Variants in AGO1 observed in about 807,000 individuals in gnomAD.
AGO1 encodes argonaute RISC component 1, also known as protein argonaute-1.
AGO1 carries 11 observed loss-of-function variants against 109.2 expected under a neutral mutation model. That is an observed-to-expected ratio of 0.10 (90% CI 0.06 to 0.17). The LOEUF is 0.17. Among genes scored for constraint, AGO1 ranks in the 10% least tolerant of loss-of-function variants. AGO1 has a pLI of 1.00. For synonymous variants in AGO1, 422 were observed against 418.6 expected, an observed-to-expected ratio of 1.01 and a Z score of -0.10; for missense variants, 574 against 1,140.3, an observed-to-expected ratio of 0.50 and a Z score of 7.15.
In AGO1 at chr1:35,893,596, G is replaced by T; in HGVS notation, c.513-78G>T. ...CCCCGGTGTCCTGCCTTTCAGGCCAGGGCTCCTCCGTGCCCAGGATGCCTC... is the reference window on the plus strand; with the variant it reads ...CCCCGGTGTCCTGCCTTTCAGGCCATGGCTCCTCCGTGCCCAGGATGCCTC... On this transcript the variant is annotated intron_variant, in intron 4 of 18. Transcript: ENST00000373204. The surrounding 1 kb of genome is among the most constrained non-coding windows in gnomAD (Gnocchi z 5.6). The T allele has an allele frequency of 6.8e-7, 1 of 1,461,536 alleles. No homozygotes were observed. Among genetic ancestry groups the T allele is most frequent in the East Asian group, 2.4e-5 (1 of 42,438 alleles). The allele number at this position is 1,461,536 out of a possible 1,614,324, so 90.5% of individuals were successfully genotyped here.
At position 35,890,149 on chromosome 1, in the gene AGO1, A is replaced by G. The variant is rs188258859; in HGVS notation, c.209+1539A>G. ...GCGATTCTTCTGCCTCAGCCTCCCT[A>G]GTAGCTGGGATTACAGGCACCCACC... On this transcript the variant is annotated intron_variant, in intron 2 of 18. Coordinates refer to ENST00000373204, the MANE Select transcript of AGO1 (RefSeq NM_012199.5). Among the ~76,000 whole-genome samples, 427 of 151,478 alleles carry G rather than the reference A, an allele frequency of 2.8e-3. 2 individuals carry two copies. Among genetic ancestry groups the G allele is most frequent in the South Asian group, 3.3e-3 (16 of 4,798 alleles).
Position 35,915,488 on chromosome 1 carries a change from G to A in AGO1, c.1974G>A (p.Lys658=). The part of the protein sequence containing the change: ...LIQFYKSTRF[K]PTRIIFYRDG... ...AATTCTACAAGTCCACCCGTTTCAA[G>A]CCTACCCGCATCATCTTCTACCGAG... is the stretch of plus-strand genomic sequence containing the variant. Residue 658 remains lysine, a synonymous_variant, in exon 15 of 19, where the codon AAG becomes AAA. Coordinates refer to ENST00000373204, the MANE Select transcript of AGO1 (RefSeq NM_012199.5). The A allele has an allele frequency of 1.9e-6, 3 of 1,614,156 alleles. No individual in the cohort carries two copies. Among genetic ancestry groups the A allele is most frequent in the Non-Finnish European group, 2.5e-6 (3 of 1,180,042 alleles).
At chr1:35,910,570 A>G (rs1277345770) in intron 12 of AGO1, among the ~76,000 whole-genome samples, 2 of 152,098 alleles carry the variant, frequency 1.3e-5, no homozygotes, top group Admixed American at 1.3e-4. Context: ...GGCTTCTAAT[A>G]CCATAAGTTA....
chr1:35,917,852 C>T lies in AGO1; in HGVS notation c.2163+125C>T, dbSNP rs537954770. On this transcript the variant is annotated intron_variant, in intron 16 of 18. Coordinates refer to ENST00000373204, the MANE Select transcript of AGO1 (RefSeq NM_012199.5). Reference sequence around the variant, plus strand: ...CTATCTATCCTCCCTGGCCCCTTCCCTCCTCCTAGCTCTTGTGGTCCTTCC... The same window carrying T: ...CTATCTATCCTCCCTGGCCCCTTCCTTCCTCCTAGCTCTTGTGGTCCTTCC... 4.2e-5 allele frequency: 56 copies of T among 1,330,278 alleles called. No individual in the cohort carries two copies. The South Asian group carries it at 8.1e-4, about 19-fold the overall frequency. 82.4% of individuals were successfully genotyped at this position (1,330,278 alleles called of 1,614,324 possible).
Position 35,921,627 on chromosome 1 carries a change from C to G in AGO1, c.*2020C>G, listed in dbSNP as rs1158965724. 1.3e-5 allele frequency: 2 copies of G among 152,602 alleles called. No homozygotes were observed. Among genetic ancestry groups the G allele is most frequent in the Non-Finnish European group, 2.9e-5 (2 of 68,054 alleles). 9.5% of individuals were successfully genotyped at this position (152,602 alleles called of 1,614,324 possible). A position where few individuals can be genotyped will look rare whatever the true frequency, so the allele number is the denominator to read the frequency against. On this transcript the variant is annotated 3_prime_UTR_variant, in exon 19 of 19. Coordinates refer to ENST00000373204, the MANE Select transcript of AGO1 (RefSeq NM_012199.5). ...ACTACCATTTCCTCCCCTTAGCTGCCCTTGTATGACCCGGATTTGCTATGC... is the reference window on the plus strand; with the variant it reads ...ACTACCATTTCCTCCCCTTAGCTGCGCTTGTATGACCCGGATTTGCTATGC...
chr1:35,915,034 T>C (rs1380660156), intron 14 of AGO1, among the ~76,000 whole-genome samples: 1 of 152,158 alleles, frequency 6.6e-6, no homozygotes, highest in African/African-American at 2.4e-5. Context: ...CTTCACATGC[T>C]CCTCTGCAAA....
rs796216640 is a variant in AGO1, at chr1:35,927,218, G to A, written c.*7611G>A. The A allele has an allele frequency of 6.6e-5, 10 of 152,096 alleles. No individual in the cohort carries two copies. Among genetic ancestry groups the A allele is most frequent in the African/African-American group, 2.4e-4 (10 of 41,498 alleles). The allele number at this position is 152,096 out of a possible 1,614,324, so 9.4% of individuals were successfully genotyped here. Reference sequence around the variant, plus strand: ...TGCATCTTACAGCATCTTTACATGCGAAATAGTTTATCAGTTATCTTCAAT... The same window carrying A: ...TGCATCTTACAGCATCTTTACATGCAAAATAGTTTATCAGTTATCTTCAAT... On this transcript the variant is annotated 3_prime_UTR_variant, in exon 19 of 19. Coordinates refer to ENST00000373204, the MANE Select transcript of AGO1 (RefSeq NM_012199.5).
Position 35,883,356 on chromosome 1 carries a change from T to G in AGO1, c.-66T>G, listed in dbSNP as rs1055353380. The stretch of plus-strand genomic sequence containing the variant: ...GATCCCGAGCAGCGAGAGTGTGGGG[T>G]ACCTAGGCCCCTCACGCTGGACTTC... On this transcript the variant is annotated 5_prime_UTR_variant, in exon 1 of 19. Transcript: ENST00000373204. The surrounding 1 kb of genome is among the most constrained non-coding windows in gnomAD (Gnocchi z 5.4). 6.4e-7 allele frequency: 1 copy of G among 1,570,550 alleles called. No homozygotes were observed. The highest frequency in any genetic ancestry group is 8.6e-7 in the Non-Finnish European group (1 of 1,161,988).
At chr1:35,916,180 A>G (rs1645732434) in intron 15 of AGO1, among the ~76,000 whole-genome samples, 1 of 151,806 alleles carries the variant, frequency 6.6e-6, no homozygotes, top group African/African-American at 2.4e-5. Context: ...GTGGAAACAT[A>G]TGTTCTATTT....
At position 35,888,042 on chromosome 1, in the gene AGO1, A is replaced by G. The variant is rs1645148996; in HGVS notation, c.26-385A>G. Among the ~76,000 whole-genome samples the G allele has an allele frequency of 6.6e-6, 1 of 152,214 alleles. No individual in the cohort carries two copies. The highest frequency in any genetic ancestry group is 1.5e-5 in the Non-Finnish European group (1 of 68,040). On this transcript the variant is annotated intron_variant, in intron 1 of 18. Coordinates refer to ENST00000373204, the MANE Select transcript of AGO1 (RefSeq NM_012199.5). This position sits in a 1 kb window ranked among gnomAD's most constrained non-coding sequence, Gnocchi z 4.1. Reference sequence around the variant, plus strand: ...CGAATGGAGTGAGCATCTGGCTGGCAGAGAATAGAAATTCTTGGTCTGCTA... The same window carrying G: ...CGAATGGAGTGAGCATCTGGCTGGCGGAGAATAGAAATTCTTGGTCTGCTA...
chr1:35,876,757 G>T (rs535651223), intron 1 of AGO1, among the ~76,000 whole-genome samples: 1 of 152,312 alleles, frequency 6.6e-6, no homozygotes, highest in East Asian at 1.9e-4. Flanking sequence ...TGGGTAAAAT[G>T]CTATCAAACA....
At chr1:35,908,288 A>C (rs1413313228) in intron 12 of AGO1, among the ~76,000 whole-genome samples, 1 of 151,834 alleles carries the variant, frequency 6.6e-6, no homozygotes, top group Non-Finnish European at 1.5e-5. Flanking sequence ...ATTTTCTTCT[A>C]TCTCTCCTTA....
chr1:35,872,087 A>T (rs1439616347), intron 1 of AGO1, among the ~76,000 whole-genome samples: 4 of 151,260 alleles, frequency 2.6e-5, no homozygotes, highest in Non-Finnish European at 5.9e-5. Flanking sequence ...AAAAAAAAAA[A>T]GACTGAAGTG....
chr1:35,920,943 T>C lies in AGO1; in HGVS notation c.*1336T>C, dbSNP rs1448552286. ...CTGATGAGTTTATATCCCAGAAACA[T>C]TGAGCCATCAGAATGAACTGTGTAC... On this transcript the variant is annotated 3_prime_UTR_variant, in exon 19 of 19. Coordinates refer to ENST00000373204, the MANE Select transcript of AGO1 (RefSeq NM_012199.5). 2 of 152,630 alleles carry C rather than the reference T, an allele frequency of 1.3e-5. No individual in the cohort carries two copies. Among genetic ancestry groups the C allele is most frequent in the Non-Finnish European group, 1.5e-5 (1 of 68,034 alleles). 9.5% of individuals were successfully genotyped at this position (152,630 alleles called of 1,614,324 possible). A position where few individuals can be genotyped will look rare whatever the true frequency, so the allele number is the denominator to read the frequency against.
intron 2 of AGO1, among the ~76,000 whole-genome samples, chr1:35,891,961 C>A (rs1268885162): frequency 6.6e-6 from 1 of 152,018 alleles, no homozygotes; most frequent in African/African-American, 2.4e-5. Context: ...CACTGTAACC[C>A]CAAACTCCCA....
intron 1 of AGO1, among the ~76,000 whole-genome samples, chr1:35,877,545 A>C (rs945255971): frequency 2.0e-5 from 3 of 152,174 alleles, no homozygotes; most frequent in Non-Finnish European, 4.4e-5. Flanking sequence ...CATTACACTT[A>C]AAGTTTCATT....
chr1:35,880,776 C>G (rs1461288690), upstream of AGO1, among the ~76,000 whole-genome samples: 1 of 152,102 alleles, frequency 6.6e-6, no homozygotes, highest in African/African-American at 2.4e-5. Flanking sequence ...TCTTGTGCCT[C>G]AGCCTCCCGA....
rs1293434777 is a variant in AGO1 at position 35,927,573 on chromosome 1, G to A, written c.*7966G>A. On this transcript the variant is annotated 3_prime_UTR_variant, in exon 19 of 19. Transcript: ENST00000373204. ...GAAGCTCCAACAGATACGGCCTCAT[G>A]GCTTTGCTAGAAATGGGTCATCTCA... is the stretch of plus-strand genomic sequence containing the variant. 1.3e-5 allele frequency: 2 copies of A among 152,170 alleles called. No individual in the cohort carries two copies. Among genetic ancestry groups the A allele is most frequent in the Non-Finnish European group, 2.9e-5 (2 of 68,040 alleles). The allele number at this position is 152,170 out of a possible 1,614,324, so 9.4% of individuals were successfully genotyped here. A position where few individuals can be genotyped will look rare whatever the true frequency, so the allele number is the denominator to read the frequency against.
chr1:35,874,655 C>G (rs1391621654), intron 1 of AGO1, among the ~76,000 whole-genome samples: 1 of 152,122 alleles, frequency 6.6e-6, no homozygotes, highest in African/African-American at 2.4e-5. Context: ...AAGTCAGAAG[C>G]TAGAAATGAT....
Sources: gnomAD v4.1 joint callset for allele counts (sites outside exome capture counted in the v4.1 genomes callset) on GRCh38, gnomAD v4.1.1 for gene constraint, Gnocchi (gnomAD v3.1) non-coding constraint, MANE v1.5 for transcripts, NCBI Gene and HGNC (gene_info 2026-07-23, HGNC 2026-07-21) for gene names.